CALD1: variants seen among roughly 807,000 people sequenced by gnomAD.
CALD1 encodes the protein caldesmon.
A neutral mutation model predicts 99.9 loss-of-function variants in CALD1; 33 were observed. That is an observed-to-expected ratio of 0.33 (90% CI 0.25 to 0.44). CALD1 has a LOEUF of 0.44. CALD1 is among the 20% of genes least tolerant of loss of function. The probability of loss-of-function intolerance (pLI) is 1.00; values close to 1 mark genes in which losing one functional copy is unlikely to be tolerated. For synonymous variants in CALD1, 310 were observed against 325.0 expected (o/e 0.95, Z 0.50); for missense variants, 861 against 962.1 (o/e 0.89, Z 1.39).
chr7:134,835,107 A>G (rs1799380400), intron 1 of CALD1, among the ~76,000 whole-genome samples: 1 of 152,226 alleles, frequency 6.6e-6, no homozygotes, highest in Admixed American at 6.5e-5. Context: ...GCAAAGAGAT[A>G]AAGTACTGCC....
chr7:134,714,438 T>C, the CALD1 span, among the ~76,000 whole-genome samples: 1 of 152,194 alleles, frequency 6.6e-6, no homozygotes, highest in Non-Finnish European at 1.5e-5. Context: ...GTTTGTCCAC[T>C]TCTCCATCGA....
chr7:134,791,300 G>T (rs753797190), intron 1 of CALD1, among the ~76,000 whole-genome samples: 6 of 152,164 alleles, frequency 3.9e-5, no homozygotes, highest in African/African-American at 1.4e-4. Context: ...GGGTTCAAGC[G>T]ATTCTTTCAC....
At chr7:134,949,760 T>C (rs1322452467) in intron 8 of CALD1, among the ~76,000 whole-genome samples, 1 of 152,138 alleles carries the variant, frequency 6.6e-6, no homozygotes, top group Non-Finnish European at 1.5e-5. Context: ...ATGGTGGTGA[T>C]TATGTATCAT....
intron 7 of CALD1, 131 bp from the exon 8 acceptor site, chr7:134,947,377 T>C (rs562060659): frequency 3.3e-6 from 3 of 909,488 alleles, no homozygotes; most frequent in South Asian, 3.5e-5. Context: ...TTCCCCAGCC[T>C]ACCCCCTGGG....
intron 1 of CALD1, among the ~76,000 whole-genome samples, chr7:134,763,752 T>C (rs1323357259): frequency 3.9e-5 from 6 of 151,958 alleles, no homozygotes; most frequent in Non-Finnish European, 8.8e-5. Flanking sequence ...ACCCCGTCTC[T>C]ACTAAAAATA....
At chr7:134,889,750 G>C (rs562797262) in intron 3 of CALD1, among the ~76,000 whole-genome samples, 16 of 152,052 alleles carry the variant, frequency 1.1e-4, no homozygotes, top group Admixed American at 2.6e-4. Context: ...TACTTTTATG[G>C]GTGTCTTATG....
chr7:134,965,237 A>T, intron 13 of CALD1, 69 bp from the exon 14 acceptor site: 1 of 799,156 alleles, frequency 1.3e-6, no homozygotes, highest in South Asian at 1.4e-5. Flanking sequence ...AGATGTGGCC[A>T]TTTATTTAGA....
chr7:134,797,165 T>A (rs1797777190), intron 1 of CALD1, among the ~76,000 whole-genome samples: 1 of 152,198 alleles, frequency 6.6e-6, no homozygotes, highest in South Asian at 2.1e-4. Context: ...CTTTATTTTT[T>A]GTAGAGACGA....
At chr7:134,859,679 A>T (rs531454229) in intron 2 of CALD1, among the ~76,000 whole-genome samples, 3 of 152,312 alleles carry the variant, frequency 2.0e-5, no homozygotes, top group African/African-American at 7.2e-5. Context: ...ATGGGGTTGA[A>T]TTGATTCTTC....
In CALD1 at chr7:134,947,612, C is replaced by T; in HGVS notation, c.1637C>T (p.Thr546Ile). The stretch of plus-strand genomic sequence containing the variant: ...GAGCTTCGTCGTCGTCGCGGGGAGA[C>T]CGAGAGCGAAGAGTTCGAGAAGCTC... Reference protein sequence around the residue: ...LEELRRRRGETESEEFEKLKQ... With the variant: ...LEELRRRRGEIESEEFEKLKQ... Residue 546 changes from threonine to isoleucine, a missense_variant, in exon 8 of 15, where the codon ACC becomes ATC. Around this residue, in one of 5 missense-constraint regions of CALD1, gnomAD observed 293 missense variants for 262.7 expected, o/e 1.12. Coordinates refer to ENST00000361675, the MANE Select transcript of CALD1 (RefSeq NM_033138.4). 1 of 1,563,424 alleles carries T rather than the reference C, an allele frequency of 6.4e-7. No individual in the cohort carries two copies. Among genetic ancestry groups the T allele is most frequent in the Non-Finnish European group, 8.7e-7 (1 of 1,153,564 alleles).
chr7:134,954,217 G>A (rs1041109773), intron 9 of CALD1, among the ~76,000 whole-genome samples: 3 of 152,108 alleles, frequency 2.0e-5, no homozygotes, highest in African/African-American at 7.2e-5. Flanking sequence ...ATTAAATTAT[G>A]TTAGCAGTGA....
chr7:134,956,463 A>G (rs896400444), intron 9 of CALD1, among the ~76,000 whole-genome samples: 17 of 152,320 alleles, frequency 1.1e-4, no homozygotes, highest in African/African-American at 3.8e-4. Flanking sequence ...CCTTGTAAGA[A>G]GAGACACAGA....
rs538812727 is a variant in CALD1, at chr7:134,876,058, T to C, written c.71+8254T>C. Among the ~76,000 whole-genome samples the C allele has an allele frequency of 3.0e-4, 45 of 152,318 alleles. No homozygotes were observed. In the South Asian group the frequency reaches 8.5e-3, roughly 29 times the overall value. ...ATGAATCATCTTCCGCAGGGGAACA[T>C]TATGTATTCAGTTTTGGACCACACA... On this transcript the variant is annotated intron_variant, in intron 3 of 14. Coordinates refer to ENST00000361675, the MANE Select transcript of CALD1 (RefSeq NM_033138.4).
rs778911869 is a variant in CALD1, at chr7:134,933,863, G to C, written c.1094G>C (p.Arg365Thr). 1 of 1,611,310 alleles carries C rather than the reference G, an allele frequency of 6.2e-7. No homozygotes were observed. Among genetic ancestry groups the C allele is most frequent in the Non-Finnish European group, 8.5e-7 (1 of 1,178,720 alleles). ...CAGAGGATAAAAGAGGAAGAGAAAA[G>C]GGCAGCAGAGGAGAGGCAAAGGGCC... ...ERQRIKEEEK[R>T]AAEERQRARA... Residue 365 changes from arginine (R) to threonine (T), a missense_variant, in exon 5 of 15, where the codon AGG becomes ACG. Transcript: ENST00000361675.
chr7:134,938,281 T>C (rs2133033515), intron 6 of CALD1, among the ~76,000 whole-genome samples: 1 of 152,352 alleles, frequency 6.6e-6, no homozygotes, highest in East Asian at 1.9e-4. Context: ...AACCAAATAA[T>C]GCAAAATATG....
intron 2 of CALD1, among the ~76,000 whole-genome samples, chr7:134,865,129 G>A (rs1165006980): frequency 6.6e-6 from 1 of 152,046 alleles, no homozygotes; most frequent in East Asian, 1.9e-4. Flanking sequence ...GGTAGGGCAG[G>A]AAATGAGGGA....
intron 1 of CALD1, among the ~76,000 whole-genome samples, chr7:134,796,845 C>T (rs1216803403): frequency 6.6e-6 from 1 of 152,168 alleles, no homozygotes; most frequent in Non-Finnish European, 1.5e-5. Context: ...CTCAGTTTCC[C>T]ACAGTGCTGG....
At chr7:134,968,212 A>G (rs1036016870) in intron 14 of CALD1, 128 bp from the exon 15 acceptor site, 4 of 765,006 alleles carry the variant, frequency 5.2e-6, no homozygotes, top group African/African-American at 1.7e-5. Context: ...CCTCCCTTTC[A>G]TAAATATTTA....
chr7:134,804,069 G>C (rs1205209253), intron 1 of CALD1, among the ~76,000 whole-genome samples: 6 of 152,120 alleles, frequency 3.9e-5, no homozygotes, highest in Non-Finnish European at 1.5e-5. Context: ...ATACCAAACT[G>C]TCTTGATTAC....
Sources: allele counts gnomAD v4.1 joint callset (sites outside exome capture counted in the v4.1 genomes callset), GRCh38; gene constraint gnomAD v4.1.1; regional missense constraint gnomAD v4.1.1; transcripts MANE v1.5; gene names NCBI Gene and HGNC (gene_info 2026-07-23, HGNC 2026-07-21).